COLGALT1: variants seen among roughly 807,000 people sequenced by gnomAD.
COLGALT1 encodes the protein procollagen galactosyltransferase 1.
COLGALT1 carries 43 observed loss-of-function variants against 60.8 expected under a neutral mutation model. The observed-to-expected ratio is 0.71, with a 90% CI of 0.55 to 0.91. The LOEUF (loss-of-function observed/expected upper bound fraction) is 0.91. Among genes scored for constraint, COLGALT1 ranks in the 40% least tolerant of loss-of-function variants. COLGALT1 has a pLI of 0.00. For missense variants in COLGALT1, 845 were observed against 880.0 expected, an observed-to-expected ratio of 0.96 and a Z score of 0.50; for synonymous variants, 369 against 374.2, an observed-to-expected ratio of 0.99 and a Z score of 0.16.
At chr19:17,570,419 AT>A (rs2076305784) in intron 5 of COLGALT1, among the ~76,000 whole-genome samples, 1 of 151,642 alleles carries the variant, frequency 6.6e-6, no homozygotes, top group East Asian at 1.9e-4. Flanking sequence ...GAAAAAAAAA[AT>A]GTTTTTGTAG....
intron 5 of COLGALT1, among the ~76,000 whole-genome samples, chr19:17,571,005 G>A (rs1207068518): frequency 1.3e-5 from 2 of 152,212 alleles, no homozygotes; most frequent in African/African-American, 2.4e-5. Context: ...TCATTTAAGT[G>A]TCGTCTGTAG....
chr19:17,581,195 C>T lies in COLGALT1; in HGVS notation c.1620C>T (p.His540=). The T allele has an allele frequency of 3.1e-6, 5 of 1,607,840 alleles. No individual in the cohort carries two copies. In the South Asian group the frequency reaches 3.3e-5, roughly 11 times the overall value. ...CCCCCAGGTCCGAGTACAAGGCCCA[C>T]TTCTCCCTCCGCAACCTGCATGCCT... The part of the protein sequence containing the change: ...DKHPVSEYKA[H]FSLRNLHAFS... Residue 540 remains histidine (H), a synonymous_variant, in exon 12 of 12, where the codon CAC becomes CAT. Transcript: ENST00000252599.
intron 6 of COLGALT1, among the ~76,000 whole-genome samples, chr19:17,574,782 C>T (rs576899730): frequency 9.2e-5 from 14 of 152,308 alleles, no homozygotes; most frequent in African/African-American, 3.4e-4. Flanking sequence ...ATCACCAACT[C>T]CCATCAGAAA....
In COLGALT1 at chr19:17,559,407, A is replaced by C; in HGVS notation, c.357A>C (p.Pro119=). The change falls in exon 2 of 12, where the codon CCA becomes CCC. Residue 119 remains proline, a synonymous_variant. Coordinates refer to ENST00000252599, the MANE Select transcript of COLGALT1 (RefSeq NM_024656.4). ...KSLYHSVEWR[P]AEEPRSYPDE... ...TGTACCATTCCGTGGAGTGGCGGCCAGCAGAGGAGCCCAGGTGAGCATCTT... is the reference window on the plus strand; with the variant it reads ...TGTACCATTCCGTGGAGTGGCGGCCCGCAGAGGAGCCCAGGTGAGCATCTT... The C allele has an allele frequency of 6.4e-7, 1 of 1,551,714 alleles. No individual in the cohort carries two copies. The highest frequency in any genetic ancestry group is 8.7e-7 in the Non-Finnish European group (1 of 1,146,946).
At position 17,582,588 on chromosome 19, in the gene COLGALT1, C is replaced by G. The variant is rs2076391100; in HGVS notation, c.*1144C>G. On this transcript the variant is annotated 3_prime_UTR_variant, in exon 12 of 12. Transcript: ENST00000252599. Reference sequence around the variant, plus strand: ...GCTGGGGCACAGAGATGAACAAGATCGGTTCCTTCACTTCTTCATGCCACA... The same window carrying G: ...GCTGGGGCACAGAGATGAACAAGATGGGTTCCTTCACTTCTTCATGCCACA... 2 of 152,164 alleles carry G rather than the reference C, an allele frequency of 1.3e-5. No homozygotes were observed. Among genetic ancestry groups the G allele is most frequent in the Admixed American group, 6.5e-5 (1 of 15,270 alleles). 9.4% of individuals were successfully genotyped at this position (152,164 alleles called of 1,614,324 possible). A position where few individuals can be genotyped will look rare whatever the true frequency, so the allele number is the denominator to read the frequency against.
At position 17,555,911 on chromosome 19, in the gene COLGALT1, G is replaced by A; in HGVS notation, c.198G>A (p.Ala66=). 2 of 1,400,078 alleles carry A rather than the reference G, an allele frequency of 1.4e-6. No homozygotes were observed. Among genetic ancestry groups the A allele is most frequent in the Non-Finnish European group, 1.9e-6 (2 of 1,076,296 alleles). 86.7% of individuals were successfully genotyped at this position (1,400,078 alleles called of 1,614,324 possible). A position where few individuals can be genotyped will look rare whatever the true frequency, so the allele number is the denominator to read the frequency against. The change falls in exon 1 of 12, where the codon GCG becomes GCA. Residue 66 remains alanine, a synonymous_variant. Coordinates refer to ENST00000252599, the MANE Select transcript of COLGALT1 (RefSeq NM_024656.4). The part of the protein sequence containing the change: ...IALLARNAAH[A]LPTTLGALER... Reference sequence around the variant, plus strand: ...TGTTGGCGCGAAACGCGGCCCACGCGTTGCCCACCACGCTGGGCGCACTCG... The same window carrying A: ...TGTTGGCGCGAAACGCGGCCCACGCATTGCCCACCACGCTGGGCGCACTCG...
chr19:17,572,360 T>G, intron 5 of COLGALT1, 123 bp from the exon 6 acceptor site: 2 of 1,443,912 alleles, frequency 1.4e-6, no homozygotes, highest in Non-Finnish European at 1.9e-6. Flanking sequence ...CCCAGGCTGG[T>G]CTCAGACACC....
At chr19:17,558,907 G>C (rs909611405) in intron 1 of COLGALT1, among the ~76,000 whole-genome samples, 1 of 151,822 alleles carries the variant, frequency 6.6e-6, no homozygotes, top group African/African-American at 2.4e-5. Flanking sequence ...CGCTTGTTAA[G>C]TCCAGCACTT....
At chr19:17,561,804 A>G (rs974452672) in intron 3 of COLGALT1, among the ~76,000 whole-genome samples, 3 of 152,134 alleles carry the variant, frequency 2.0e-5, no homozygotes, top group Admixed American at 1.3e-4. Flanking sequence ...CATTGAACCC[A>G]TTACACAGTT....
intron 6 of COLGALT1, among the ~76,000 whole-genome samples, chr19:17,575,010 C>T (rs557337140): frequency 1.3e-5 from 2 of 152,244 alleles, no homozygotes; most frequent in Admixed American, 1.3e-4. Flanking sequence ...GTGCATGCCA[C>T]TACCATGCTC....
chr19:17,578,367 A>G (rs2076357951), intron 9 of COLGALT1, among the ~76,000 whole-genome samples: 1 of 152,134 alleles, frequency 6.6e-6, no homozygotes, highest in African/African-American at 2.4e-5. Context: ...TGGGACCTGT[A>G]AACAAATCCT....
chr19:17,567,399 T>C lies in COLGALT1; in HGVS notation c.490-7T>C. On this transcript the variant is annotated splice_region_variant and splice_polypyrimidine_tract_variant and intron_variant, in intron 3 of 11. Transcript: ENST00000252599. The stretch of plus-strand genomic sequence containing the variant: ...CCCATGCTGATGCTTTGTGGGGTGT[T>C]CTGCAGTTTGTAGATGCGGACAACC... 6.2e-7 allele frequency: 1 copy of C among 1,613,334 alleles called. No individual in the cohort carries two copies. Among genetic ancestry groups the C allele is most frequent in the Non-Finnish European group, 8.5e-7 (1 of 1,179,574 alleles).
intron 5 of COLGALT1, 52 bp from the exon 6 acceptor site, chr19:17,572,431 A>G: frequency 6.2e-7 from 1 of 1,611,702 alleles, no homozygotes. Flanking sequence ...GGCATGAGCC[A>G]CTGGGCCTCG....
intron 6 of COLGALT1, chr19:17,576,931 C>G: frequency 1.9e-6 from 1 of 524,916 alleles, no homozygotes; most frequent in Non-Finnish European, 3.3e-6. Flanking sequence ...AAGCTGGGGC[C>G]TGGGGTGTGG....
Position 17,577,303 on chromosome 19 carries a change from G to A in COLGALT1, c.1026+32G>A, listed in dbSNP as rs376650201. The A allele has an allele frequency of 2.2e-5, 35 of 1,611,198 alleles. No individual in the cohort carries two copies. In the African/African-American group the frequency reaches 4.3e-4, roughly 20 times the overall value. ...TGGGCCTTCCCTGGAGGCGGGGCGGGGGCTGGAGGGCCCTTGTTTGCAGGG... is the reference window on the plus strand; with the variant it reads ...TGGGCCTTCCCTGGAGGCGGGGCGGAGGCTGGAGGGCCCTTGTTTGCAGGG... On this transcript the variant is annotated intron_variant, in intron 7 of 11. Transcript: ENST00000252599.
At chr19:17,567,360 G>T (rs775040126) in intron 3 of COLGALT1, 46 bp from the exon 4 acceptor site, 25 of 1,608,934 alleles carry the variant, frequency 1.6e-5, no homozygotes, top group Non-Finnish European at 2.0e-5. Context: ...CTGAATGGTA[G>T]CCTGACCTGG....
chr19:17,574,278 TC>T (rs1353716972), intron 6 of COLGALT1, among the ~76,000 whole-genome samples: 1 of 151,280 alleles, frequency 6.6e-6, no homozygotes, highest in African/African-American at 2.4e-5. Context: ...TATCTGCGGC[TC>T]CCCCTGGTGG....
intron 10 of COLGALT1, chr19:17,580,498 C>T: frequency 1.6e-6 from 1 of 606,648 alleles, no homozygotes; most frequent in African/African-American, 1.9e-5. Flanking sequence ...CCCTCACGCC[C>T]TTTGGAAAAA....
chr19:17,575,403 A>G (rs1334527102), intron 6 of COLGALT1, among the ~76,000 whole-genome samples: 1 of 151,870 alleles, frequency 6.6e-6, no homozygotes, highest in Non-Finnish European at 1.5e-5. Context: ...CTGCTACCAC[A>G]TCCGGCTAAT....
Sources: allele counts gnomAD v4.1 joint callset (sites outside exome capture counted in the v4.1 genomes callset), GRCh38; gene constraint gnomAD v4.1.1; transcripts MANE v1.5; gene names NCBI Gene and HGNC (gene_info 2026-07-23, HGNC 2026-07-21).